LAIR1: variants seen among roughly 807,000 people sequenced by gnomAD.
LAIR1 encodes leukocyte associated immunoglobulin like receptor 1, also known as leukocyte-associated immunoglobulin-like receptor 1.
In LAIR1, 24 loss-of-function variants were observed where a neutral mutation model predicts 32.8. The ratio of observed to expected loss-of-function variants is 0.73; its 90% CI spans 0.53 to 1.03. The LOEUF (loss-of-function observed/expected upper bound fraction) is 1.03. Among genes scored for constraint, LAIR1 ranks in the 50% least tolerant of loss-of-function variants. The pLI is 0.00. For synonymous variants in LAIR1, 150 were observed against 140.5 expected, an observed-to-expected ratio of 1.07 and a Z score of -0.48; for missense variants, 355 against 347.5, an observed-to-expected ratio of 1.02 and a Z score of -0.17.
chr19:54,365,046 A>G, upstream of LAIR1: 1 of 1,407,506 alleles, frequency 7.1e-7, no homozygotes. Flanking sequence ...TGTCGCTTAG[A>G]GGCAGATGAC....
rs1480492509 is a variant in LAIR1 at position 54,364,649 on chromosome 19, G to A, written c.34+122C>T. On this transcript the variant is annotated intron_variant, in intron 1 of 9. Transcript: ENST00000391742. This position sits in a 1 kb window ranked among gnomAD's most constrained non-coding sequence, Gnocchi z 4.8. ...AGGCCCCAGGGAGAGCAGCAGGGCA[G>A]TCTTGGGAGGAGGAGGACACTTTCC... 1.2e-5 allele frequency: 11 copies of A among 929,376 alleles called. No individual in the cohort carries two copies. The highest frequency in any genetic ancestry group is 1.6e-5 in the Non-Finnish European group (9 of 560,946). The allele number at this position is 929,376 out of a possible 1,614,324, so 57.6% of individuals were successfully genotyped here.
At chr19:54,356,998 T>TA in intron 4 of LAIR1, 32 bp from the exon 5 acceptor site, 5 of 1,608,750 alleles carry the variant, frequency 3.1e-6, no homozygotes, top group Middle Eastern at 3.3e-4. Context: ...GAGGAGGAGT[T>TA]AGAGTCCTGA....
At chr19:54,373,239 G>T (rs538491913), upstream of LAIR1, among the ~76,000 whole-genome samples, 1 of 151,240 alleles carries the variant, frequency 6.6e-6, no homozygotes, top group South Asian at 2.1e-4. Context: ...TCAGGTGATC[G>T]AGACCATCCT....
chr19:54,364,412 C>T lies in LAIR1; in HGVS notation c.35-82G>A. On this transcript the variant is annotated intron_variant, in intron 1 of 9. Transcript: ENST00000391742. This position sits in a 1 kb window ranked among gnomAD's most constrained non-coding sequence, Gnocchi z 4.8. ...GCTGTCAAAAGGGGGCTCGATGGAG[C>T]TGGGGGGCATTCAGCATTTCATAAC... 6.4e-7 allele frequency: 1 copy of T among 1,554,994 alleles called. No individual in the cohort carries two copies. The highest frequency in any genetic ancestry group is 8.9e-7 in the Non-Finnish European group (1 of 1,127,284).
At chr19:54,359,628 G>C (rs1415781782) in intron 4 of LAIR1, among the ~76,000 whole-genome samples, 2 of 152,278 alleles carry the variant, frequency 1.3e-5, no homozygotes, top group Non-Finnish European at 2.9e-5. Context: ...CGTGGAGCTC[G>C]GGCGAGCCCG....
At chr19:54,356,804 C>T (rs909207102) in intron 5 of LAIR1, 124 bp downstream of exon 5, 17 of 1,327,224 alleles carry the variant, frequency 1.3e-5, no homozygotes, top group Non-Finnish European at 1.7e-5. Context: ...TGCTGGAGTC[C>T]TCTGCACAGG....
Position 54,355,285 on chromosome 19 carries a change from C to T in LAIR1, c.847G>A (p.Ala283Thr). ...KPMAESITYA[A>T]VARH ...GTATGGGGTCAGTGTCTGGCAACGG[C>T]TGCATACGTGATGGACTCGGCCATG... The change falls in exon 10 of 10, where the codon GCC becomes ACC. Residue 283 changes from alanine to threonine, a missense_variant. Physicochemically the swap from Ala to Thr is moderately conservative, Grantham distance 58 (BLOSUM62 0). Coordinates refer to ENST00000391742, the MANE Select transcript of LAIR1 (RefSeq NM_002287.6). The surrounding 1 kb of genome is among the most constrained non-coding windows in gnomAD (Gnocchi z 4.7). 6.2e-7 allele frequency: 1 copy of T among 1,609,618 alleles called. No homozygotes were observed.
chr19:54,373,406 T>C (rs567511261), upstream of LAIR1, among the ~76,000 whole-genome samples: 9 of 152,080 alleles, frequency 5.9e-5, no homozygotes, highest in Non-Finnish European at 1.2e-4. Context: ...ATCGCGCCAC[T>C]GCACTCCAGC....
upstream of LAIR1, among the ~76,000 whole-genome samples, chr19:54,366,973 AG>A (rs1224729899): frequency 2.6e-5 from 4 of 152,206 alleles, no homozygotes; most frequent in Non-Finnish European, 4.4e-5. Flanking sequence ...GTCCGTTTTC[AG>A]GGGAGGAATT....
rs759129049 is a variant in LAIR1 at position 54,364,837 on chromosome 19, G to A, written c.-33C>T. 1 of 1,614,078 alleles carries A rather than the reference G, an allele frequency of 6.2e-7. No individual in the cohort carries two copies. The highest frequency in any genetic ancestry group is 2.2e-5 in the East Asian group (1 of 44,886). Reference sequence around the variant, plus strand: ...GTCCCAGCAGTGCAGCCTGGCCTGAGGCGCACCAATGCAAGGACAGAACTC... The same window carrying A: ...GTCCCAGCAGTGCAGCCTGGCCTGAAGCGCACCAATGCAAGGACAGAACTC... On this transcript the variant is annotated 5_prime_UTR_variant, in exon 1 of 10. Coordinates refer to ENST00000391742, the MANE Select transcript of LAIR1 (RefSeq NM_002287.6). This position sits in a 1 kb window ranked among gnomAD's most constrained non-coding sequence, Gnocchi z 4.8.
upstream of LAIR1, among the ~76,000 whole-genome samples, chr19:54,372,502 T>G (rs1216476252): frequency 6.7e-6 from 1 of 149,078 alleles, no homozygotes; most frequent in Non-Finnish European, 1.5e-5. Flanking sequence ...TTTTTTTTTT[T>G]TTTTTTGAGA....
intron 2 of LAIR1, among the ~76,000 whole-genome samples, chr19:54,362,487 A>G (rs1024670181): frequency 1.3e-5 from 2 of 152,134 alleles, no homozygotes; most frequent in African/African-American, 2.4e-5. Context: ...GAATTGTCCA[A>G]ATCTGCAGCT....
At chr19:54,367,759 T>A (rs567485472), upstream of LAIR1, among the ~76,000 whole-genome samples, 394 of 130,320 alleles carry the variant, frequency 3.0e-3, 9 homozygotes, top group East Asian at 0.061. Flanking sequence ...AAATATATAT[T>A]TTTTTTAATT....
chr19:54,360,817 T>G lies in LAIR1; in HGVS notation c.364+99A>C, dbSNP rs1243366471. The G allele has an allele frequency of 5.0e-6, 6 of 1,192,674 alleles. No individual in the cohort carries two copies. In the Admixed American group the frequency reaches 1.0e-4, roughly 20 times the overall value. 73.9% of individuals were successfully genotyped at this position (1,192,674 alleles called of 1,614,324 possible). A position where few individuals can be genotyped will look rare whatever the true frequency, so the allele number is the denominator to read the frequency against. On this transcript the variant is annotated intron_variant, in intron 3 of 9. Coordinates refer to ENST00000391742, the MANE Select transcript of LAIR1 (RefSeq NM_002287.6). ...GCTTGGGGTCAGGAGGAGGACAAGG[T>G]TGGCCACAGAGGACAGCAGCTGGGA...
chr19:54,355,241 A>C lies in LAIR1; in HGVS notation c.*27T>G. On this transcript the variant is annotated 3_prime_UTR_variant, in exon 10 of 10. Coordinates refer to ENST00000391742, the MANE Select transcript of LAIR1 (RefSeq NM_002287.6). This position sits in a 1 kb window ranked among gnomAD's most constrained non-coding sequence, Gnocchi z 4.7. ...TTTCCTAGAGTGACTTTCTACCCTCAGGTGCAGAGGCCAGGTGGGTATGGG... is the reference window on the plus strand; with the variant it reads ...TTTCCTAGAGTGACTTTCTACCCTCCGGTGCAGAGGCCAGGTGGGTATGGG... 6.5e-7 allele frequency: 1 copy of C among 1,547,236 alleles called. No individual in the cohort carries two copies. Among genetic ancestry groups the C allele is most frequent in the Non-Finnish European group, 8.7e-7 (1 of 1,143,870 alleles).
At chr19:54,373,652 A>G (rs2082457261), upstream of LAIR1, among the ~76,000 whole-genome samples, 1 of 151,796 alleles carries the variant, frequency 6.6e-6, no homozygotes, top group Non-Finnish European at 1.5e-5. Context: ...AGTGAGAGCC[A>G]AGAGTGGTGG....
upstream of LAIR1, among the ~76,000 whole-genome samples, chr19:54,373,258 C>G (rs541323820): frequency 3.3e-5 from 5 of 150,740 alleles, no homozygotes; most frequent in Admixed American, 1.3e-4. Flanking sequence ...CTGGCCAACA[C>G]GGTGAAACCC....
rs751373469 is a variant in LAIR1, at chr19:54,356,453, A to C, written c.583+38T>G. ...GACCTTCTTCCTAGCCTCTCCTGAC[A>C]GCTTCCCAGGTCACCCCACCCTGCC... On this transcript the variant is annotated intron_variant, in intron 6 of 9. Transcript: ENST00000391742. The C allele has an allele frequency of 5.6e-6, 9 of 1,612,406 alleles. No individual in the cohort carries two copies. In the African/African-American group the frequency reaches 1.1e-4, roughly 19 times the overall value.
In LAIR1 at chr19:54,364,791, G is replaced by A. The variant is rs778632174; in HGVS notation, c.14C>T (p.Pro5Leu). The part of the protein sequence containing the change: MSPH[P>L]TALLGLVLCL... ...CTCACCTAGGCCCAGGAGGGCGGTG[G>A]GGTGGGGAGACATGGCCCAGGTCCC... is the stretch of plus-strand genomic sequence containing the variant. Residue 5 changes from proline to leucine, a missense_variant, in exon 1 of 10, where the codon CCC (proline) becomes CTC (leucine). Physicochemically the swap from Pro to Leu is moderately conservative, Grantham distance 98. Transcript: ENST00000391742. This position sits in a 1 kb window ranked among gnomAD's most constrained non-coding sequence, Gnocchi z 4.8. 3.5e-5 allele frequency: 57 copies of A among 1,613,960 alleles called. No homozygotes were observed. The highest frequency in any genetic ancestry group is 1.1e-4 in the South Asian group (10 of 91,078).
Sources: gnomAD v4.1 joint callset for allele counts (sites outside exome capture counted in the v4.1 genomes callset) on GRCh38, gnomAD v4.1.1 for gene constraint, Gnocchi (gnomAD v3.1) non-coding constraint, MANE v1.5 for transcripts, NCBI Gene and HGNC (gene_info 2026-07-23, HGNC 2026-07-21) for gene names.